The following NUP214 variants were observed in gnomAD, a reference collection of about 807,000 sequenced individuals.
NUP214 encodes the protein nucleoporin 214, also known as nuclear pore complex protein Nup214.
NUP214 carries 79 observed loss-of-function variants against 196.2 expected under a neutral mutation model. The ratio of observed to expected loss-of-function variants is 0.40; its 90% CI spans 0.34 to 0.49. The LOEUF (loss-of-function observed/expected upper bound fraction) is 0.49. NUP214 is among the 20% of genes least tolerant of loss of function. NUP214 has a pLI of 0.58. For missense variants in NUP214, 2,468 were observed against 2,539.0 expected (o/e 0.97, Z 0.60); for synonymous variants, 1,020 against 990.5 (o/e 1.03, Z -0.56).
intron 28 of NUP214, among the ~76,000 whole-genome samples, chr9:131,196,367 T>G (rs1833790913): frequency 6.6e-6 from 1 of 152,058 alleles, no homozygotes; most frequent in Non-Finnish European, 1.5e-5. Context: ...CCATGTTGAT[T>G]GATCAGGCTG....
intron 8 of NUP214, among the ~76,000 whole-genome samples, chr9:131,135,530 C>G (rs1036816660): frequency 6.6e-6 from 1 of 152,104 alleles, no homozygotes; most frequent in Non-Finnish European, 1.5e-5. Context: ...CTCAATAACC[C>G]CTAGTGATGA....
chr9:131,228,575 G>A (rs1834788624), intron 33 of NUP214: 3 of 380,470 alleles, frequency 7.9e-6, no homozygotes, highest in Non-Finnish European at 1.4e-5. Context: ...AGAAATGCTG[G>A]TCATCAGAGC....
chr9:131,204,487 G>T (rs1588165871), intron 30 of NUP214, among the ~76,000 whole-genome samples: 1 of 152,080 alleles, frequency 6.6e-6, no homozygotes, highest in Non-Finnish European at 1.5e-5. Flanking sequence ...TGCCATTGTA[G>T]TGCAGAAGCA....
rs750161454 is a variant in NUP214, at chr9:131,198,277, G to A, written c.4783G>A (p.Ala1595Thr). 5 of 1,614,194 alleles carry A rather than the reference G, an allele frequency of 3.1e-6. 1 individual carries two copies. In the South Asian group the frequency reaches 5.5e-5, roughly 18 times the overall value. Reference protein sequence around the residue: ...ASSFSVPGQTAVTAAAISSAG... With the variant: ...ASSFSVPGQTTVTAAAISSAG... ...CTCCTTTTCTGTGCCTGGGCAGACT[G>A]CTGTCACAGCAGCTGCTATCTCAAG... The change falls in exon 29 of 36, where the codon GCT becomes ACT. Residue 1595 changes from alanine to threonine, a missense_variant. Around this residue, in one of 5 missense-constraint regions of NUP214, gnomAD observed 1,801 missense variants for 1,779.4 expected, o/e 1.01. Transcript: ENST00000359428.
At chr9:131,172,413 C>G (rs372277913) in intron 21 of NUP214, among the ~76,000 whole-genome samples, 8 of 152,092 alleles carry the variant, frequency 5.3e-5, no homozygotes, top group East Asian at 1.9e-4. Flanking sequence ...TTGTTTTTTC[C>G]TTGTAAATTT....
chr9:131,144,776 A>G, intron 12 of NUP214, 22 bp downstream of exon 12: 2 of 1,517,870 alleles, frequency 1.3e-6, no homozygotes, highest in Non-Finnish European at 1.8e-6. Context: ...CTAAAGTTTG[A>G]TTCTTCTGTG....
At chr9:131,135,545 C>A (rs534346812) in intron 8 of NUP214, among the ~76,000 whole-genome samples, 1 of 152,128 alleles carries the variant, frequency 6.6e-6, no homozygotes, top group South Asian at 2.1e-4. Context: ...TGATGACTTA[C>A]GAAAATATTG....
intron 6 of NUP214, 198 bp from the exon 7 acceptor site, chr9:131,132,908 T>A: frequency 1.6e-6 from 1 of 622,340 alleles, no homozygotes; most frequent in South Asian, 2.0e-5. Context: ...GCCCTGATTA[T>A]AATCCAGCAG....
At chr9:131,185,806 T>G (rs1041235757) in intron 24 of NUP214, among the ~76,000 whole-genome samples, 2 of 152,186 alleles carry the variant, frequency 1.3e-5, no homozygotes, top group African/African-American at 4.8e-5. Context: ...TGAATCCTAA[T>G]TTTGTGTATT....
rs1287632040 is a variant in NUP214 at position 131,234,238 on chromosome 9, G to A, written c.*751G>A. On this transcript the variant is annotated 3_prime_UTR_variant, in exon 36 of 36. Coordinates refer to ENST00000359428, the MANE Select transcript of NUP214 (RefSeq NM_005085.4). ...CAGCCTTTATATTCTGTATGTGGCA[G>A]TGACATTGGTAGCCACACCTACCCA... The A allele has an allele frequency of 8.6e-6, 2 of 232,744 alleles. No homozygotes were observed. 14.4% of individuals were successfully genotyped at this position (232,744 alleles called of 1,614,324 possible).
At chr9:131,136,831 A>C (rs1831742682) in intron 9 of NUP214, 1 of 152,220 alleles carries the variant, frequency 6.6e-6, no homozygotes, top group African/African-American at 2.4e-5. Context: ...GACTGTAGAG[A>C]GGGCACAACG....
intron 34 of NUP214, among the ~76,000 whole-genome samples, chr9:131,231,262 G>A (rs1480037215): frequency 2.0e-5 from 3 of 151,962 alleles, no homozygotes; most frequent in Admixed American, 6.6e-5. Context: ...GCACAATCTC[G>A]GCTCACTATA....
At chr9:131,160,876 T>C (rs1273038202) in intron 18 of NUP214, among the ~76,000 whole-genome samples, 1 of 152,186 alleles carries the variant, frequency 6.6e-6, no homozygotes, top group African/African-American at 2.4e-5. Context: ...GCCTGTGGAC[T>C]GGAGCACTTG....
Position 131,163,908 on chromosome 9 carries a change from T to G in NUP214, c.2762T>G (p.Leu921Trp), listed in dbSNP as rs1180708558. The part of the protein sequence containing the change: ...SDLESLCNAL[L>W]KTTIESHTKS... Reference sequence around the variant, plus strand: ...CTGGAAAGCCTGTGCAATGCTTTGTTGAAAACCACCATAGAATCTCACACC... The same window carrying G: ...CTGGAAAGCCTGTGCAATGCTTTGTGGAAAACCACCATAGAATCTCACACC... Residue 921 changes from leucine (L) to tryptophan (W), a missense_variant, in exon 20 of 36, where the codon TTG becomes TGG. Coordinates refer to ENST00000359428, the MANE Select transcript of NUP214 (RefSeq NM_005085.4). 1.2e-6 allele frequency: 2 copies of G among 1,614,094 alleles called. No homozygotes were observed. The highest frequency in any genetic ancestry group is 2.2e-5 in the East Asian group (1 of 44,888).
In NUP214 at chr9:131,224,300, T is replaced by A. The variant is rs118052244; in HGVS notation, c.5902+1370T>A. 1.5e-3 allele frequency among the ~76,000 whole-genome samples: 221 copies of A among 152,288 alleles called. 4 individuals are homozygous for A. In the East Asian group the frequency reaches 0.037, roughly 25 times the overall value. Reference sequence around the variant, plus strand: ...TCTGAAAACATGTACTTCATTTCTGTCATCTGCCTCTCCACCCTGTTTCTG... The same window carrying A: ...TCTGAAAACATGTACTTCATTTCTGACATCTGCCTCTCCACCCTGTTTCTG... On this transcript the variant is annotated intron_variant, in intron 32 of 35. Transcript: ENST00000359428.
rs1286607135 is a variant in NUP214 at position 131,146,147 on chromosome 9, C to T, written c.1788C>T (p.Thr596=). The T allele has an allele frequency of 1.2e-6, 2 of 1,614,030 alleles. No individual in the cohort carries two copies. Among genetic ancestry groups the T allele is most frequent in the African/African-American group, 2.7e-5 (2 of 74,898 alleles). ...NLSEKFTAAA[T]STPVSSSQSA... ...TTTTCAGGTTTACTGCTGCAGCTACCTCTACTCCTGTTAGTAGCTCCCAGA... is the reference window on the plus strand; with the variant it reads ...TTTTCAGGTTTACTGCTGCAGCTACTTCTACTCCTGTTAGTAGCTCCCAGA... Residue 596 remains threonine, a synonymous_variant, in exon 13 of 36, where the codon ACC becomes ACT. Transcript: ENST00000359428. This position sits in a 1 kb window ranked among gnomAD's most constrained non-coding sequence, Gnocchi z 4.6.
At chr9:131,219,074 A>G (rs898667770) in intron 31 of NUP214, among the ~76,000 whole-genome samples, 3 of 152,004 alleles carry the variant, frequency 2.0e-5, no homozygotes, top group Admixed American at 6.6e-5. Context: ...TCATCACTAC[A>G]CAAACCATCA....
chr9:131,156,295 G>A (rs1832439806), intron 17 of NUP214, among the ~76,000 whole-genome samples: 1 of 151,908 alleles, frequency 6.6e-6, no homozygotes, highest in South Asian at 2.1e-4. Context: ...ACCACGCCCG[G>A]CTAATTTTTT....
At chr9:131,158,154 C>G (rs767982748) in intron 17 of NUP214, among the ~76,000 whole-genome samples, 15 of 152,236 alleles carry the variant, frequency 9.9e-5, no homozygotes, top group Non-Finnish European at 1.5e-4. Context: ...TCTCAGCTCA[C>G]TGCAGCCTCC....
Sources: allele counts gnomAD v4.1 joint callset (sites outside exome capture counted in the v4.1 genomes callset), GRCh38; gene constraint gnomAD v4.1.1; regional missense constraint gnomAD v4.1.1; non-coding constraint Gnocchi (gnomAD v3.1); transcripts MANE v1.5; gene names NCBI Gene and HGNC (gene_info 2026-07-23, HGNC 2026-07-21).